CSMD1: variants seen among roughly 807,000 people sequenced by gnomAD.
CSMD1 encodes CUB and sushi domain-containing protein 1.
CSMD1 carries 213 observed loss-of-function variants against 417.5 expected under a neutral mutation model. The observed-to-expected ratio is 0.51, with a 90% CI of 0.46 to 0.57. The LOEUF (loss-of-function observed/expected upper bound fraction) is 0.57, where lower values mean the gene tolerates loss of function less well. CSMD1 is among the 20% of genes least tolerant of loss of function. The pLI is 0.00. For synonymous variants in CSMD1, 2,862 were observed against 1,736.8 expected, an observed-to-expected ratio of 1.65 and a Z score of -16.11; for missense variants, 6,923 against 4,529.7, an observed-to-expected ratio of 1.53 and a Z score of -15.17.
chr8:3,880,485 T>A (rs1310684055), intron 5 of CSMD1, among the ~76,000 whole-genome samples: 1 of 152,208 alleles, frequency 6.6e-6, no homozygotes, highest in Non-Finnish European at 1.5e-5. Flanking sequence ...TCACTTTATT[T>A]CCTTAGAGTT....
intron 3 of CSMD1, among the ~76,000 whole-genome samples, chr8:4,375,136 G>C (rs536177624): frequency 6.6e-6 from 1 of 152,116 alleles, no homozygotes; most frequent in African/African-American, 2.4e-5. Context: ...GGCAACTGTA[G>C]ATAGGTGAAA....
At position 4,577,003 on chromosome 8, in the gene CSMD1, G is replaced by C. The variant is rs1458688396; in HGVS notation, c.302+60339C>G. On this transcript the variant is annotated intron_variant, in intron 2 of 69. Transcript: ENST00000635120. The stretch of plus-strand genomic sequence containing the variant: ...AACACAGTGTGATTCTATCTCCATG[G>C]TGACAGATATTAGATCTTGAATTTT... Among the ~76,000 whole-genome samples, 4 of 152,240 alleles carry C rather than the reference G, an allele frequency of 2.6e-5. No individual in the cohort carries two copies. The East Asian group carries it at 7.7e-4, about 29-fold the overall frequency.
intron 5 of CSMD1, among the ~76,000 whole-genome samples, chr8:3,886,170 C>T (rs950664790): frequency 2.6e-5 from 4 of 152,104 alleles, no homozygotes; most frequent in African/African-American, 7.2e-5. Context: ...CTACCTCAGC[C>T]TCTTGAGTAG....
chr8:3,234,598 C>A (rs936429347), intron 26 of CSMD1, among the ~76,000 whole-genome samples: 3 of 152,154 alleles, frequency 2.0e-5, no homozygotes, highest in African/African-American at 7.2e-5. Flanking sequence ...CCACTTTCCT[C>A]CCATCAGCTG....
intron 1 of CSMD1, among the ~76,000 whole-genome samples, chr8:4,686,222 G>A (rs1244704458): frequency 6.6e-6 from 1 of 152,148 alleles, no homozygotes; most frequent in African/African-American, 2.4e-5. Context: ...CTTTTCTTTC[G>A]GAGCTGTCTT....
intron 2 of CSMD1, among the ~76,000 whole-genome samples, chr8:4,518,018 T>C (rs755023389): frequency 6.6e-5 from 10 of 152,184 alleles, no homozygotes; most frequent in Admixed American, 4.6e-4. Context: ...ATACATAAGC[T>C]GTTTAAGAAA....
chr8:4,862,069 C>T (rs914141684), intron 1 of CSMD1, among the ~76,000 whole-genome samples: 8 of 152,000 alleles, frequency 5.3e-5, no homozygotes, highest in African/African-American at 1.9e-4. Context: ...GGAAATGCTA[C>T]TGGGAATGGC....
At chr8:3,287,361 G>C (rs1187047788) in intron 25 of CSMD1, among the ~76,000 whole-genome samples, 1 of 152,050 alleles carries the variant, frequency 6.6e-6, no homozygotes, top group Non-Finnish European at 1.5e-5. Context: ...AACTTGAAGG[G>C]GATGGCATTG....
chr8:3,035,304 G>T (rs1221057085), intron 50 of CSMD1, among the ~76,000 whole-genome samples: 2 of 152,138 alleles, frequency 1.3e-5, no homozygotes, highest in African/African-American at 4.8e-5. Context: ...AATTGTATAT[G>T]TAATTCTACT....
At chr8:4,899,724 T>G (rs1236877974) in intron 1 of CSMD1, among the ~76,000 whole-genome samples, 1 of 152,228 alleles carries the variant, frequency 6.6e-6, no homozygotes, top group South Asian at 2.1e-4. Flanking sequence ...CATATCTCAC[T>G]GGACCTTTTT....
At chr8:3,196,459 A>C (rs961164976) in intron 33 of CSMD1, among the ~76,000 whole-genome samples, 19 of 152,112 alleles carry the variant, frequency 1.2e-4, no homozygotes, top group African/African-American at 4.6e-4. Flanking sequence ...CTCGCCCCAA[A>C]TTCTTTCTTG....
chr8:4,239,274 T>C (rs940374471), intron 3 of CSMD1, among the ~76,000 whole-genome samples: 2 of 152,244 alleles, frequency 1.3e-5, no homozygotes, highest in African/African-American at 2.4e-5. Context: ...GGATGTACTC[T>C]GTTGCATCAA....
chr8:4,459,039 A>T (rs1799652978), intron 2 of CSMD1, among the ~76,000 whole-genome samples: 1 of 152,104 alleles, frequency 6.6e-6, no homozygotes, highest in African/African-American at 2.4e-5. Context: ...CCTTATCTCC[A>T]ATCTAGGTGA....
intron 5 of CSMD1, among the ~76,000 whole-genome samples, chr8:3,922,130 ATTCT>A (rs34930613): frequency 0.23 from 34,777 of 151,828 alleles, 4,903 homozygotes; most frequent in East Asian, 0.41. Flanking sequence ...ATATTATGAC[ATTCT>A]TTCTTTCATG....
chr8:3,451,485 T>C (rs540600893), intron 12 of CSMD1, among the ~76,000 whole-genome samples: 2 of 152,368 alleles, frequency 1.3e-5, no homozygotes, highest in South Asian at 4.1e-4. Context: ...CTTGAATTAA[T>C]TTTTGTATAA....
At chr8:3,986,598 C>T (rs544349994) in intron 5 of CSMD1, among the ~76,000 whole-genome samples, 1 of 151,854 alleles carries the variant, frequency 6.6e-6, no homozygotes. Context: ...TTATTTTTTC[C>T]CAAGCCATGC....
intron 5 of CSMD1, among the ~76,000 whole-genome samples, chr8:3,887,697 C>T (rs1435289273): frequency 6.6e-6 from 1 of 152,146 alleles, no homozygotes; most frequent in Non-Finnish European, 1.5e-5. Context: ...ACACAGAGGT[C>T]ACAGGTTTGG....
intron 2 of CSMD1, among the ~76,000 whole-genome samples, chr8:4,588,436 C>T (rs2724987): frequency 0.36 from 54,266 of 149,938 alleles, 9,963 homozygotes; most frequent in South Asian, 0.42. Context: ...CTAGATAGTA[C>T]AGCCAGTCTG....
chr8:3,245,906 A>G (rs1799851651), intron 26 of CSMD1, among the ~76,000 whole-genome samples: 1 of 152,196 alleles, frequency 6.6e-6, no homozygotes, highest in Admixed American at 6.5e-5. Context: ...AGTGACATGA[A>G]TCGCATTCTA....
Sources: gnomAD v4.1 joint callset for allele counts (sites outside exome capture counted in the v4.1 genomes callset) on GRCh38, gnomAD v4.1.1 for gene constraint, MANE v1.5 for transcripts, NCBI Gene and HGNC (gene_info 2026-07-23, HGNC 2026-07-21) for gene names.